The following RAG1 variants were observed in gnomAD, a reference collection of about 807,000 sequenced individuals.
RAG1 encodes the protein recombination activating 1, also known as V(D)J recombination-activating protein 1.
Under a neutral mutation model 62.7 loss-of-function variants are expected in RAG1, and 35 were observed. That is an observed-to-expected ratio of 0.56 (90% CI 0.43 to 0.74). RAG1 has a LOEUF of 0.74. Among genes scored for constraint, RAG1 ranks in the 30% least tolerant of loss-of-function variants. RAG1 has a pLI of 0.00. For synonymous variants in RAG1, 461 were observed against 470.3 expected (o/e 0.98, Z 0.26); for missense variants, 1,169 against 1,278.6 (o/e 0.91, Z 1.31).
At chr11:36,524,990 C>A (rs1227792507) in intron 2 of RAG1, among the ~76,000 whole-genome samples, 1 of 151,904 alleles carries the variant, frequency 6.6e-6, no homozygotes, top group Non-Finnish European at 1.5e-5. Context: ...TAGGTCAAGT[C>A]TTTTTCTTCC....
chr11:36,560,216 G>A (rs1019383881), intron 3 of RAG1, among the ~76,000 whole-genome samples: 5 of 152,146 alleles, frequency 3.3e-5, no homozygotes, highest in Non-Finnish European at 7.3e-5. Flanking sequence ...CCCTGGTAGG[G>A]TATGTGTTGG....
Position 36,520,816 on chromosome 11 carries a change from G to A in RAG1, n.428+587G>A, listed in dbSNP as rs551536712. Among the ~76,000 whole-genome samples, 6 of 152,242 alleles carry A rather than the reference G, an allele frequency of 3.9e-5. No homozygotes were observed. The South Asian group carries it at 1.2e-3, about 32-fold the overall frequency. Reference sequence around the variant, plus strand: ...AAGTTGATAGCTATTGGTTATGGAGGCTGCTTTCCTTTCCTTCTTTCATCC... The same window carrying A: ...AAGTTGATAGCTATTGGTTATGGAGACTGCTTTCCTTTCCTTCTTTCATCC... On this transcript the variant is annotated intron_variant and non_coding_transcript_variant, in intron 2 of 2. Coordinates refer to the RAG1 transcript ENST00000529126.
chr11:36,524,867 A>G (rs1357417804), intron 2 of RAG1, among the ~76,000 whole-genome samples: 1 of 152,136 alleles, frequency 6.6e-6, no homozygotes, highest in Non-Finnish European at 1.5e-5. Context: ...TTTGCCATCC[A>G]TATATTCTAT....
At chr11:36,517,677 A>G (rs1057507398) in intron 1 of RAG1, among the ~76,000 whole-genome samples, 4 of 152,208 alleles carry the variant, frequency 2.6e-5, no homozygotes, top group Non-Finnish European at 5.9e-5. Flanking sequence ...GTGATTATTA[A>G]GAACAAAATA....
intron 3 of RAG1, among the ~76,000 whole-genome samples, chr11:36,558,498 T>G (rs919106144): frequency 3.3e-5 from 5 of 152,202 alleles, no homozygotes; most frequent in African/African-American, 1.2e-4. Flanking sequence ...CTTACTGAAT[T>G]GATTCATTTA....
At chr11:36,572,307 A>T (rs1300180748) in intron 1 of RAG1, among the ~76,000 whole-genome samples, 1 of 152,228 alleles carries the variant, frequency 6.6e-6, no homozygotes, top group African/African-American at 2.4e-5. Flanking sequence ...AGTACACTTC[A>T]CATGGCATTG....
At chr11:36,557,666 T>A (rs866015098) in intron 3 of RAG1, among the ~76,000 whole-genome samples, 2,981 of 152,290 alleles carry the variant, frequency 0.02, 96 homozygotes, top group African/African-American at 0.068. Context: ...AGAGTTCAAA[T>A]GCAGTCACAT....
chr11:36,528,371 A>G lies in RAG1; in HGVS notation n.429-7588A>G, dbSNP rs184496165. ...AAACCACTCAACTACATGGAAACTG[A>G]ACCACCTGCTCCTGAATGACTACTG... On this transcript the variant is annotated intron_variant and non_coding_transcript_variant, in intron 2 of 2. Transcript: ENST00000529126. Among the ~76,000 whole-genome samples, 99 of 152,314 alleles carry G rather than the reference A, an allele frequency of 6.5e-4. No homozygotes were observed. In the South Asian group the frequency reaches 0.015, roughly 23 times the overall value.
At chr11:36,528,567 C>T (rs1285088655) in intron 2 of RAG1, among the ~76,000 whole-genome samples, 1 of 151,910 alleles carries the variant, frequency 6.6e-6, no homozygotes, top group East Asian at 1.9e-4. Context: ...AACACCCTAA[C>T]ATAATCACAA....
upstream of RAG1, chr11:36,566,336 C>T (rs1850661925): frequency 6.6e-6 from 1 of 152,202 alleles, no homozygotes; most frequent in Non-Finnish European, 1.5e-5. Flanking sequence ...CATTTTGTCA[C>T]TTTAGTTTTA....
intron 3 of RAG1, among the ~76,000 whole-genome samples, chr11:36,551,833 C>T (rs1045797703): frequency 6.8e-6 from 1 of 146,596 alleles, no homozygotes; most frequent in African/African-American, 2.5e-5. Flanking sequence ...GTTCAATTCC[C>T]ACCTATGAGT....
upstream of RAG1, among the ~76,000 whole-genome samples, chr11:36,567,732 C>A (rs1252017544): frequency 6.6e-6 from 1 of 152,170 alleles, no homozygotes; most frequent in Non-Finnish European, 1.5e-5. Flanking sequence ...AGATATAGAA[C>A]CCTGGCAAAA....
chr11:36,548,059 TCA>T (rs1480185175), intron 3 of RAG1, among the ~76,000 whole-genome samples: 8 of 152,164 alleles, frequency 5.3e-5, no homozygotes. Flanking sequence ...GAAAAGGCCT[TCA>T]TAAAATTCAA....
At chr11:36,569,570 C>T (rs996976913) in intron 1 of RAG1, among the ~76,000 whole-genome samples, 5 of 152,272 alleles carry the variant, frequency 3.3e-5, no homozygotes, top group African/African-American at 1.2e-4. Context: ...TTAGCCAGAT[C>T]TTAAGTTTTT....
chr11:36,559,335 G>A (rs1850549256), intron 3 of RAG1, among the ~76,000 whole-genome samples: 3 of 152,122 alleles, frequency 2.0e-5, no homozygotes, highest in African/African-American at 2.4e-5. Context: ...TGACTATAAA[G>A]TGCTTCAGAG....
intron 1 of RAG1, among the ~76,000 whole-genome samples, chr11:36,569,072 G>A (rs551743619): frequency 2.6e-5 from 4 of 152,256 alleles, no homozygotes; most frequent in African/African-American, 9.6e-5. Flanking sequence ...GGAAGATTGT[G>A]GGCCAAGTAA....
downstream of RAG1, among the ~76,000 whole-genome samples, chr11:36,540,698 G>A (rs977122882): frequency 3.3e-5 from 5 of 152,190 alleles, no homozygotes; most frequent in East Asian, 1.9e-4. Context: ...GAGCCAACGC[G>A]TCTGGCCTCT....
At chr11:36,569,744 G>A (rs970113628) in intron 1 of RAG1, among the ~76,000 whole-genome samples, 1 of 152,066 alleles carries the variant, frequency 6.6e-6, no homozygotes, top group African/African-American at 2.4e-5. Context: ...AAAATAAAAA[G>A]TGCAAAAGGC....
At chr11:36,513,157 T>C (rs896797681) in intron 1 of RAG1, among the ~76,000 whole-genome samples, 10 of 152,136 alleles carry the variant, frequency 6.6e-5, no homozygotes, top group African/African-American at 1.7e-4. Context: ...CCCTCCAACA[T>C]AGGATGACAC....
Sources: allele counts gnomAD v4.1 joint callset (sites outside exome capture counted in the v4.1 genomes callset), GRCh38; gene constraint gnomAD v4.1.1; transcripts MANE v1.5; gene names NCBI Gene and HGNC (gene_info 2026-07-23, HGNC 2026-07-21).